Variants in SKIC3 observed in about 807,000 individuals in gnomAD.
SKIC3 encodes SKI3 subunit of superkiller complex.
At chr5:95,552,836 G>T in the SKIC3 span, among the ~76,000 whole-genome samples, 1 of 152,000 alleles carries the variant, frequency 6.6e-6, no homozygotes, top group Non-Finnish European at 1.5e-5. Context: ...ATGAGAACTA[G>T]CTGAAGAAAC....
chr5:95,494,370 T>C, the SKIC3 span, among the ~76,000 whole-genome samples: 1 of 152,186 alleles, frequency 6.6e-6, no homozygotes, highest in Non-Finnish European at 1.5e-5. Context: ...AAATGCAAGA[T>C]TGATAGAATC....
chr5:95,521,058 A>G, the SKIC3 span, among the ~76,000 whole-genome samples: 2 of 152,188 alleles, frequency 1.3e-5, no homozygotes, highest in South Asian at 4.2e-4. Flanking sequence ...ACAGAACCCA[A>G]GAATTTCCTT....
At chr5:95,493,072 T>C in the SKIC3 span, among the ~76,000 whole-genome samples, 2 of 152,222 alleles carry the variant, frequency 1.3e-5, no homozygotes, top group Non-Finnish European at 2.9e-5. Flanking sequence ...TGGATTTTTT[T>C]CCATTCAGTT....
At chr5:95,516,441 A>T in the SKIC3 span, 59 of 1,612,668 alleles carry the variant, frequency 3.7e-5, 1 homozygote, top group Middle Eastern at 1.6e-4. Flanking sequence ...TTCTTAAAAT[A>T]GGCCCCTTGT....
At chr5:95,513,591 T>G in the SKIC3 span, 1 of 1,613,890 alleles carries the variant, frequency 6.2e-7, no homozygotes, top group South Asian at 1.1e-5. Flanking sequence ...AGTTCTGTAG[T>G]GTGCCTGAAG....
chr5:95,478,575 A>G, the SKIC3 span: 2 of 1,235,740 alleles, frequency 1.6e-6, no homozygotes, highest in East Asian at 2.5e-5. Flanking sequence ...TCTGTGCCCA[A>G]AAAACAATTA....
At chr5:95,492,581 G>C in the SKIC3 span, among the ~76,000 whole-genome samples, 1 of 112,750 alleles carries the variant, frequency 8.9e-6, no homozygotes. Flanking sequence ...AGCTTGCAGT[G>C]AGCCGAGATC....
the SKIC3 span, among the ~76,000 whole-genome samples, chr5:95,534,046 C>A: frequency 6.6e-6 from 1 of 151,990 alleles, no homozygotes; most frequent in Non-Finnish European, 1.5e-5. Flanking sequence ...AGAGTGAACA[C>A]CAGCCATTAA....
the SKIC3 span, among the ~76,000 whole-genome samples, chr5:95,490,651 C>A: frequency 4.7e-4 from 71 of 151,924 alleles, no homozygotes; most frequent in African/African-American, 1.7e-3. Flanking sequence ...GTGCCCGCCA[C>A]CACGCTCAGC....
the SKIC3 span, among the ~76,000 whole-genome samples, chr5:95,502,468 C>T: frequency 6.6e-6 from 1 of 152,096 alleles, no homozygotes; most frequent in South Asian, 2.1e-4. Context: ...AGTTTTGTTA[C>T]ACATTTTTAA....
chr5:95,464,556 C>A, the SKIC3 span: 8 of 1,400,734 alleles, frequency 5.7e-6, no homozygotes, highest in Non-Finnish European at 8.0e-6. Context: ...TGATTCATTG[C>A]TTCATTCTTA....
the SKIC3 span, among the ~76,000 whole-genome samples, chr5:95,550,112 G>A: frequency 6.6e-6 from 1 of 151,440 alleles, no homozygotes; most frequent in Admixed American, 6.6e-5. Flanking sequence ...CATTTTGTAC[G>A]TTTTCACTCA....
the SKIC3 span, among the ~76,000 whole-genome samples, chr5:95,496,868 T>C: frequency 1.4e-4 from 22 of 152,176 alleles, no homozygotes; most frequent in Non-Finnish European, 1.3e-4. Flanking sequence ...AAGTGAACTA[T>C]GAGAGGATAT....
At chr5:95,531,403 C>T in the SKIC3 span, among the ~76,000 whole-genome samples, 27 of 152,302 alleles carry the variant, frequency 1.8e-4, 1 homozygote, top group Middle Eastern at 3.4e-3. Flanking sequence ...GAAAAAGACA[C>T]AAGCCTGCTA....
chr5:95,524,383 A>G, the SKIC3 span: 2 of 1,565,398 alleles, frequency 1.3e-6, no homozygotes, highest in Non-Finnish European at 8.7e-7. Context: ...GTAAAGAGTA[A>G]TTGTAACTAA....
chr5:95,538,922 G>A, the SKIC3 span, among the ~76,000 whole-genome samples: 1 of 152,096 alleles, frequency 6.6e-6, no homozygotes, highest in East Asian at 1.9e-4. Flanking sequence ...GACACCATAA[G>A]CAGTTTTGTG....
chr5:95,502,991 G>T, the SKIC3 span: 4 of 1,613,882 alleles, frequency 2.5e-6, no homozygotes, highest in Admixed American at 6.7e-5. Context: ...AATAGACAAG[G>T]CTCTCTCATA....
the SKIC3 span, chr5:95,520,905 T>G: frequency 9.3e-6 from 9 of 964,520 alleles, no homozygotes; most frequent in Non-Finnish European, 1.3e-5. Flanking sequence ...TGGTGTTATT[T>G]TAAAGCACTT....
the SKIC3 span, among the ~76,000 whole-genome samples, chr5:95,480,371 TA>T: frequency 6.6e-6 from 1 of 152,048 alleles, no homozygotes; most frequent in Non-Finnish European, 1.5e-5. Flanking sequence ...ATTTAGTAAG[TA>T]AAAAATGAAG....
Sources: allele counts gnomAD v4.1 joint callset (sites outside exome capture counted in the v4.1 genomes callset), GRCh38; gene constraint gnomAD v4.1.1; transcripts MANE v1.5; gene names NCBI Gene and HGNC (gene_info 2026-07-23, HGNC 2026-07-21).